OPCML: variants seen among roughly 807,000 people sequenced by gnomAD.
The protein encoded by OPCML is opioid-binding protein/cell adhesion molecule.
A neutral mutation model predicts 37.8 loss-of-function variants in OPCML; 13 were observed. That is an observed-to-expected ratio of 0.34 (90% CI 0.22 to 0.55). The LOEUF is 0.55. OPCML is among the 20% of genes least tolerant of loss of function. The probability of loss-of-function intolerance (pLI) is 0.91; values close to 1 mark genes in which losing one functional copy is unlikely to be tolerated. For synonymous variants in OPCML, 176 were observed against 168.8 expected, an observed-to-expected ratio of 1.04 and a Z score of -0.33; for missense variants, 341 against 435.6, an observed-to-expected ratio of 0.78 and a Z score of 1.93.
chr11:132,761,511 A>G (rs1946266501), intron 2 of OPCML, among the ~76,000 whole-genome samples: 1 of 151,216 alleles, frequency 6.6e-6, no homozygotes, highest in African/African-American at 2.4e-5. Context: ...ATTCCTTTTT[A>G]TTCTTTTTTC....
chr11:133,279,567 A>G (rs1942084467), intron 1 of OPCML, among the ~76,000 whole-genome samples: 1 of 152,186 alleles, frequency 6.6e-6, no homozygotes, highest in African/African-American at 2.4e-5. Flanking sequence ...CTGCAGCTGC[A>G]GTTGCCCAGA....
chr11:132,723,233 C>A (rs145083394), intron 2 of OPCML, among the ~76,000 whole-genome samples: 3 of 152,320 alleles, frequency 2.0e-5, no homozygotes, highest in African/African-American at 7.2e-5. Flanking sequence ...CATTTACTCA[C>A]CAAAACCGTA....
At chr11:133,068,679 C>T (rs2060123) in intron 1 of OPCML, among the ~76,000 whole-genome samples, 56,676 of 152,064 alleles carry the variant, frequency 0.37, 12,077 homozygotes, top group African/African-American at 0.55. Context: ...AGGTCCTTGA[C>T]ACATAAATGC....
At chr11:133,437,596 C>T (rs930214119) in intron 1 of OPCML, among the ~76,000 whole-genome samples, 1 of 151,260 alleles carries the variant, frequency 6.6e-6, no homozygotes, top group South Asian at 2.1e-4. Flanking sequence ...TTGCTAAGCA[C>T]GCCATGCACT....
At chr11:132,435,205 A>G (rs1317141659) in intron 7 of OPCML, 1 of 1,289,886 alleles carries the variant, frequency 7.8e-7, no homozygotes, top group South Asian at 1.2e-5. Flanking sequence ...ACACAGCACA[A>G]TGCACACACA....
At chr11:133,384,726 C>A (rs1052791662) in intron 1 of OPCML, among the ~76,000 whole-genome samples, 1 of 152,204 alleles carries the variant, frequency 6.6e-6, no homozygotes, top group Non-Finnish European at 1.5e-5. Flanking sequence ...TCAATAGAGA[C>A]ATGTCTTTCA....
intron 1 of OPCML, among the ~76,000 whole-genome samples, chr11:133,157,197 G>A (rs1565477741): frequency 6.6e-6 from 1 of 152,206 alleles, no homozygotes; most frequent in Non-Finnish European, 1.5e-5. Flanking sequence ...CGCGCACACG[G>A]TGTACTGCGG....
chr11:133,195,227 TCTGA>T (rs1281873946), intron 1 of OPCML, among the ~76,000 whole-genome samples: 1 of 152,202 alleles, frequency 6.6e-6, no homozygotes, highest in Non-Finnish European at 1.5e-5. Context: ...TTAGTAAAAC[TCTGA>T]CTGTTTCCAT....
intron 1 of OPCML, among the ~76,000 whole-genome samples, chr11:133,088,200 C>A (rs1392892261): frequency 6.6e-6 from 1 of 150,516 alleles, no homozygotes. Context: ...AACCATGAAC[C>A]TTTTACATGG....
At chr11:133,266,491 A>G (rs890901910) in intron 1 of OPCML, among the ~76,000 whole-genome samples, 2 of 152,078 alleles carry the variant, frequency 1.3e-5, no homozygotes, top group African/African-American at 2.4e-5. Flanking sequence ...GCCCATCACA[A>G]TCTTCATCAT....
chr11:133,432,227 A>G (rs1222329129), intron 1 of OPCML, among the ~76,000 whole-genome samples: 2 of 152,186 alleles, frequency 1.3e-5, no homozygotes, highest in East Asian at 3.8e-4. Context: ...CTCTGAACCT[A>G]AAATAAAAGT....
chr11:133,458,859 G>GTA (rs1178998877), intron 1 of OPCML, among the ~76,000 whole-genome samples: 1 of 147,438 alleles, frequency 6.8e-6, no homozygotes, highest in Non-Finnish European at 1.5e-5. Context: ...ACGTGTGTGT[G>GTA]TATATATACA....
intron 3 of OPCML, among the ~76,000 whole-genome samples, chr11:132,649,673 A>G (rs1332370424): frequency 6.6e-6 from 1 of 152,176 alleles, no homozygotes; most frequent in African/African-American, 2.4e-5. Flanking sequence ...ATGTGTATGT[A>G]TACACATATA....
chr11:132,715,609 T>C (rs1484942035), intron 2 of OPCML, among the ~76,000 whole-genome samples: 1 of 152,190 alleles, frequency 6.6e-6, no homozygotes, highest in Non-Finnish European at 1.5e-5. Context: ...AGAGGACAGC[T>C]TGCTTTCTCT....
At chr11:133,503,056 G>A (rs1470509360) in intron 1 of OPCML, among the ~76,000 whole-genome samples, 1 of 152,196 alleles carries the variant, frequency 6.6e-6, no homozygotes, top group Non-Finnish European at 1.5e-5. Flanking sequence ...CAATTTGAAA[G>A]GACACAGGGG....
intron 2 of OPCML, among the ~76,000 whole-genome samples, chr11:132,760,711 G>A (rs937116129): frequency 6.6e-6 from 1 of 151,816 alleles, no homozygotes; most frequent in African/African-American, 2.4e-5. Context: ...CGTGAGTTGG[G>A]TCTCTTGAAT....
chr11:133,183,786 C>T (rs1236691934), intron 1 of OPCML, among the ~76,000 whole-genome samples: 1 of 152,166 alleles, frequency 6.6e-6, no homozygotes, highest in Non-Finnish European at 1.5e-5. Flanking sequence ...TTAGTGCCAA[C>T]ATGAACTATT....
chr11:132,437,131 C>A, intron 5 of OPCML, 91 bp downstream of exon 5: 1 of 1,536,738 alleles, frequency 6.5e-7, no homozygotes, highest in South Asian at 1.3e-5. Flanking sequence ...GAACCTGGGT[C>A]CTTTGGAAAA....
At chr11:133,269,768 T>C (rs1941770384) in intron 1 of OPCML, among the ~76,000 whole-genome samples, 1 of 152,192 alleles carries the variant, frequency 6.6e-6, no homozygotes, top group African/African-American at 2.4e-5. Context: ...GGAAGCATTA[T>C]CGATAAGATT....
Sources: allele counts gnomAD v4.1 joint callset (sites outside exome capture counted in the v4.1 genomes callset), GRCh38; gene constraint gnomAD v4.1.1; transcripts MANE v1.5; gene names NCBI Gene and HGNC (gene_info 2026-07-23, HGNC 2026-07-21).